The following DLG2 variants were observed in gnomAD, a reference collection of about 807,000 sequenced individuals.
The protein encoded by DLG2 is disks large homolog 2.
DLG2 carries 45 observed loss-of-function variants against 132.5 expected under a neutral mutation model. That is an observed-to-expected ratio of 0.34 (90% CI 0.27 to 0.44). DLG2 has a LOEUF of 0.44. DLG2 is among the 20% of genes least tolerant of loss of function. DLG2 has a pLI of 1.00. For missense variants in DLG2, 1,045 were observed against 1,196.9 expected (o/e 0.87, Z 1.87); for synonymous variants, 424 against 419.6 (o/e 1.01, Z -0.13).
intron 18 of DLG2, among the ~76,000 whole-genome samples, chr11:83,701,037 G>A (rs935525069): frequency 2.6e-5 from 4 of 152,104 alleles, no homozygotes; most frequent in Admixed American, 6.6e-5. Context: ...TTGGGAAATC[G>A]CACACAACAG....
intron 3 of DLG2, among the ~76,000 whole-genome samples, chr11:85,308,059 C>G (rs776979170): frequency 1.7e-4 from 26 of 151,896 alleles, no homozygotes; most frequent in Non-Finnish European, 3.1e-4. Flanking sequence ...GAGGCTGAGG[C>G]AGGAGAATCG....
intron 20 of DLG2, among the ~76,000 whole-genome samples, chr11:83,537,682 G>A (rs752143995): frequency 6.6e-6 from 1 of 151,768 alleles, no homozygotes; most frequent in Admixed American, 6.6e-5. Context: ...AGGCATGGTG[G>A]TGGGCATCTG....
At chr11:84,993,539 G>T (rs1416742165) in intron 6 of DLG2, among the ~76,000 whole-genome samples, 1 of 152,194 alleles carries the variant, frequency 6.6e-6, no homozygotes, top group East Asian at 1.9e-4. Context: ...TTACTAACCT[G>T]TTTACTTATA....
intron 6 of DLG2, among the ~76,000 whole-genome samples, chr11:84,685,438 T>C (rs1283297107): frequency 1.3e-5 from 2 of 152,220 alleles, no homozygotes; most frequent in Non-Finnish European, 2.9e-5. Context: ...GCCACTTCAG[T>C]AGTTTCACAG....
chr11:84,989,773 T>C (rs1214418669), intron 6 of DLG2, among the ~76,000 whole-genome samples: 4 of 152,130 alleles, frequency 2.6e-5, no homozygotes, highest in Admixed American at 1.3e-4. Context: ...CAGGGACAGA[T>C]ACATAGATTA....
intron 6 of DLG2, among the ~76,000 whole-genome samples, chr11:84,819,259 A>G (rs1191304102): frequency 1.3e-5 from 2 of 151,946 alleles, no homozygotes; most frequent in South Asian, 2.1e-4. Context: ...TGTTTCTGTT[A>G]TATAAAGCTA....
At chr11:84,994,608 AAAAC>A (rs897880125) in intron 6 of DLG2, among the ~76,000 whole-genome samples, 7 of 152,198 alleles carry the variant, frequency 4.6e-5, no homozygotes, top group South Asian at 2.1e-4. Context: ...TGAAAAAGTA[AAAAC>A]AAACAGAGCA....
intron 3 of DLG2, among the ~76,000 whole-genome samples, chr11:85,453,859 G>A (rs1321049431): frequency 6.6e-6 from 1 of 152,058 alleles, no homozygotes; most frequent in African/African-American, 2.4e-5. Context: ...CAGGGGTTTG[G>A]TGTCCAGATT....
chr11:84,072,252 C>T (rs1034343644), intron 10 of DLG2, among the ~76,000 whole-genome samples: 1 of 152,182 alleles, frequency 6.6e-6, no homozygotes, highest in African/African-American at 2.4e-5. Context: ...CTTCCCCAGC[C>T]CTGTCTCTTG....
intron 6 of DLG2, among the ~76,000 whole-genome samples, chr11:84,799,047 C>T (rs1347635096): frequency 6.6e-6 from 1 of 152,198 alleles, no homozygotes; most frequent in Non-Finnish European, 1.5e-5. Flanking sequence ...GGCACAAGTA[C>T]TCCCTGAGCC....
chr11:83,866,065 T>C (rs1275293394), intron 16 of DLG2, among the ~76,000 whole-genome samples: 2 of 152,002 alleles, frequency 1.3e-5, no homozygotes, highest in African/African-American at 2.4e-5. Flanking sequence ...ACTCAGAGCA[T>C]CACAGTCCCC....
At chr11:85,306,451 T>G (rs2079947039) in intron 3 of DLG2, among the ~76,000 whole-genome samples, 2 of 152,244 alleles carry the variant, frequency 1.3e-5, no homozygotes, top group Non-Finnish European at 2.9e-5. Context: ...CTCAGGCTCT[T>G]GGCTTAGAGA....
intron 8 of DLG2, among the ~76,000 whole-genome samples, chr11:84,223,710 C>T (rs2096949461): frequency 6.6e-6 from 1 of 152,066 alleles, no homozygotes; most frequent in African/African-American, 2.4e-5. Context: ...GCGCATGTCA[C>T]CATGCCCAGC....
At chr11:83,969,247 T>C (rs915391617) in intron 12 of DLG2, among the ~76,000 whole-genome samples, 1 of 152,198 alleles carries the variant, frequency 6.6e-6, no homozygotes, top group Non-Finnish European at 1.5e-5. Context: ...ATTTGTATGT[T>C]GATTCATTAA....
chr11:85,271,088 A>G (rs1316003222), intron 4 of DLG2, among the ~76,000 whole-genome samples: 1 of 152,160 alleles, frequency 6.6e-6, no homozygotes, highest in Non-Finnish European at 1.5e-5. Context: ...GAAGCCAAGG[A>G]AGAAAAGATG....
At chr11:84,134,162 G>A (rs1566649145) in intron 9 of DLG2, among the ~76,000 whole-genome samples, 1 of 152,050 alleles carries the variant, frequency 6.6e-6, no homozygotes, top group African/African-American at 2.4e-5. Flanking sequence ...TGACTGCCTA[G>A]GAAACAGGCT....
chr11:83,719,305 C>T (rs564750437), intron 18 of DLG2, among the ~76,000 whole-genome samples: 1 of 152,320 alleles, frequency 6.6e-6, no homozygotes, highest in African/African-American at 2.4e-5. Context: ...CGCCCTGCCA[C>T]TATGTGACTT....
chr11:83,549,194 C>A (rs2096318767), intron 19 of DLG2, among the ~76,000 whole-genome samples: 1 of 152,118 alleles, frequency 6.6e-6, no homozygotes, highest in Non-Finnish European at 1.5e-5. Context: ...AAAATAAAGT[C>A]TGCTCTCTGC....
chr11:85,208,772 C>CT (rs761175346), intron 4 of DLG2, among the ~76,000 whole-genome samples: 40 of 152,050 alleles, frequency 2.6e-4, no homozygotes, highest in Non-Finnish European at 4.7e-4. Context: ...CCAGGGAGTC[C>CT]TTAGTAAGAG....
Sources: allele counts gnomAD v4.1 joint callset (sites outside exome capture counted in the v4.1 genomes callset), GRCh38; gene constraint gnomAD v4.1.1; transcripts MANE v1.5; gene names NCBI Gene and HGNC (gene_info 2026-07-23, HGNC 2026-07-21).